Variants in TET2 observed in about 807,000 individuals in gnomAD.
TET2 encodes methylcytosine dioxygenase TET2.
Under a neutral mutation model 142.9 loss-of-function variants are expected in TET2, and 299 were observed. That is an observed-to-expected ratio of 2.09 (90% CI 1.90 to 2.30). The LOEUF is 2.30. Among genes scored for constraint, TET2 ranks in the 30% most tolerant of loss-of-function variants. The pLI is 0.00. For synonymous variants in TET2, 819 were observed against 849.0 expected (o/e 0.96, Z 0.61); for missense variants, 2,418 against 2,378.0 (o/e 1.02, Z -0.35).
intron 1 of TET2, among the ~76,000 whole-genome samples, chr4:105,151,538 T>C (rs2110346560): frequency 6.6e-6 from 1 of 151,724 alleles, no homozygotes; most frequent in Middle Eastern, 3.5e-3. Flanking sequence ...GATAATATCA[T>C]CCTACCTGCA....
chr4:105,233,102 G>A (rs62330908), intron 2 of TET2, among the ~76,000 whole-genome samples: 1 of 152,040 alleles, frequency 6.6e-6, no homozygotes, highest in Non-Finnish European at 1.5e-5. Flanking sequence ...AGCTACTGCA[G>A]GTGGGGTGCG....
intron 2 of TET2, chr4:105,202,543 A>G (rs1422788477): frequency 1.3e-5 from 2 of 152,210 alleles, no homozygotes; most frequent in Non-Finnish European, 2.9e-5. Context: ...TTATTGAACA[A>G]ATACAGGAAA....
chr4:105,183,510 G>T lies in TET2; in HGVS notation c.-192-6850G>T, dbSNP rs138552190. On this transcript the variant is annotated intron_variant, in intron 1 of 10. Transcript: ENST00000380013. The stretch of plus-strand genomic sequence containing the variant: ...ATGGAATCATAAAACCTTAAAGCTG[G>T]GTTGGAACAGAAATAATACAATTTA... Among the ~76,000 whole-genome samples the T allele has an allele frequency of 9.9e-4, 150 of 152,004 alleles. 1 individual carries two copies. The highest frequency in any genetic ancestry group is 3.5e-3 in the African/African-American group (144 of 41,466).
At chr4:105,239,079 T>TTTGTTTTTTG (rs1392948292) in intron 3 of TET2, 14 of 233,170 alleles carry the variant, frequency 6.0e-5, no homozygotes, top group African/African-American at 3.2e-4. Flanking sequence ...TTTTTGTTTT[T>TTTGTTTTTTG]TTTTTTTGTT....
At position 105,276,840 on chromosome 4, in the gene TET2, C is replaced by CCCCCA. The variant is rs1553918720; in HGVS notation, c.*325_*326insACCCC. On this transcript the variant is annotated 3_prime_UTR_variant, in exon 11 of 11. Coordinates refer to ENST00000380013, the MANE Select transcript of TET2 (RefSeq NM_001127208.3). ...GACGAGATGATATGTAAATGTGATC[C>CCCCCA]CCCCCCCCCGCTTACAACTCTACAC... 7.2e-6 allele frequency: 1 copy of CCCCCA among 138,540 alleles called. No individual in the cohort carries two copies. Among genetic ancestry groups the CCCCCA allele is most frequent in the Non-Finnish European group, 1.3e-5 (1 of 77,798 alleles). The allele number at this position is 138,540 out of a possible 1,614,324, so 8.6% of individuals were successfully genotyped here.
At chr4:105,165,243 G>A (rs1724091886) in intron 1 of TET2, among the ~76,000 whole-genome samples, 1 of 152,256 alleles carries the variant, frequency 6.6e-6, no homozygotes, top group Middle Eastern at 3.4e-3. Flanking sequence ...AGGCGTGGTG[G>A]TGGGCGCCTG....
rs2110226156 is a variant in TET2, at chr4:105,235,213, G to A, written c.1271G>A (p.Ser424Asn). The change falls in exon 3 of 11, where the codon AGC becomes AAC. Residue 424 changes from serine (S) to asparagine (N), a missense_variant. Transcript: ENST00000380013. ...QVPQLPSEGKSTLNGGVLEEH... is the reference protein window; with the variant it reads ...QVPQLPSEGKNTLNGGVLEEH... ...CCTCAGCTTCCTTCAGAAGGAAAAA[G>A]CACTCTGAATGGTGGAGTTTTAGAA... is the stretch of plus-strand genomic sequence containing the variant. 4 of 1,613,998 alleles carry A rather than the reference G, an allele frequency of 2.5e-6. No individual in the cohort carries two copies. The highest frequency in any genetic ancestry group is 3.4e-6 in the Non-Finnish European group (4 of 1,179,982).
In TET2 at chr4:105,223,523, G is replaced by T. The variant is rs976057032; in HGVS notation, c.-46-10374G>T. Among the ~76,000 whole-genome samples the T allele has an allele frequency of 8.5e-5, 13 of 152,158 alleles. No homozygotes were observed. In the East Asian group the frequency reaches 2.1e-3, roughly 25 times the overall value. On this transcript the variant is annotated intron_variant, in intron 2 of 10. Coordinates refer to ENST00000380013, the MANE Select transcript of TET2 (RefSeq NM_001127208.3). ...CAAACGAAATGGAGAGAACTTAATA[G>T]ATACAGAAGATAAGAATTTAAACTA...
chr4:105,203,566 A>G (rs889751845), intron 2 of TET2, among the ~76,000 whole-genome samples: 2 of 151,266 alleles, frequency 1.3e-5, no homozygotes, highest in Non-Finnish European at 2.9e-5. Flanking sequence ...ATACCAATAC[A>G]TTACATTACA....
Position 105,277,604 on chromosome 4 carries a change from C to A in TET2, c.*1085C>A. 4.4e-6 allele frequency: 1 copy of A among 228,890 alleles called. No individual in the cohort carries two copies. The highest frequency in any genetic ancestry group is 8.7e-6 in the Non-Finnish European group (1 of 115,394). The allele number at this position is 228,890 out of a possible 1,614,324, so 14.2% of individuals were successfully genotyped here. Reference sequence around the variant, plus strand: ...GCAATTGTGTCCATTTTTAACACAGCCAGTTAAATCCACCATGGGGCTTAC... The same window carrying A: ...GCAATTGTGTCCATTTTTAACACAGACAGTTAAATCCACCATGGGGCTTAC... On this transcript the variant is annotated 3_prime_UTR_variant, in exon 11 of 11. Transcript: ENST00000380013.
At chr4:105,201,732 CTTTTTTT>C (rs70964636) in intron 2 of TET2, among the ~76,000 whole-genome samples, 4 of 63,052 alleles carry the variant, frequency 6.3e-5, no homozygotes, top group South Asian at 8.3e-4. Flanking sequence ...CATCCAGGAC[CTTTTTTT>C]TTTTTTTTTT....
At chr4:105,191,607 G>A (rs1356014819) in intron 2 of TET2, among the ~76,000 whole-genome samples, 3 of 152,076 alleles carry the variant, frequency 2.0e-5, no homozygotes, top group Non-Finnish European at 4.4e-5. Context: ...TAATAAGCCT[G>A]TATAGCTCTA....
chr4:105,263,464 T>C (rs1257659012), intron 8 of TET2, among the ~76,000 whole-genome samples: 3 of 152,170 alleles, frequency 2.0e-5, no homozygotes, highest in Non-Finnish European at 4.4e-5. Flanking sequence ...TTAGAGAACT[T>C]GGTGACTAGA....
intron 2 of TET2, among the ~76,000 whole-genome samples, chr4:105,209,909 A>T (rs1354408039): frequency 1.3e-5 from 2 of 152,186 alleles, no homozygotes; most frequent in African/African-American, 4.8e-5. Context: ...CAGCAATGAG[A>T]TGGTGACAGC....
chr4:105,241,693 C>T (rs1386287916), intron 4 of TET2: 5 of 1,273,598 alleles, frequency 3.9e-6, no homozygotes, highest in Non-Finnish European at 4.0e-6. Context: ...CAGGAATCGG[C>T]CAGCCAGGCT....
chr4:105,159,744 G>A (rs1027413718), intron 1 of TET2, among the ~76,000 whole-genome samples: 1 of 152,176 alleles, frequency 6.6e-6, no homozygotes, highest in Non-Finnish European at 1.5e-5. Flanking sequence ...TCTTGGCCAG[G>A]ATGGCTCACG....
At chr4:105,196,552 C>A (rs1726106953) in intron 2 of TET2, among the ~76,000 whole-genome samples, 1 of 152,176 alleles carries the variant, frequency 6.6e-6, no homozygotes, top group Non-Finnish European at 1.5e-5. Context: ...TCAAATTCCT[C>A]CTTACTATAT....
intron 8 of TET2, among the ~76,000 whole-genome samples, chr4:105,265,458 A>G (rs1414197232): frequency 6.6e-6 from 1 of 152,226 alleles, no homozygotes; most frequent in Non-Finnish European, 1.5e-5. Flanking sequence ...AGATGGCATA[A>G]GTGTAATTTC....
chr4:105,167,453 GTGTA>G (rs1578549592), intron 1 of TET2, among the ~76,000 whole-genome samples: 2 of 151,770 alleles, frequency 1.3e-5, no homozygotes, highest in Non-Finnish European at 2.9e-5. Context: ...TAGTATATGT[GTGTA>G]TGTATGTATA....
Sources: allele counts gnomAD v4.1 joint callset (sites outside exome capture counted in the v4.1 genomes callset), GRCh38; gene constraint gnomAD v4.1.1; transcripts MANE v1.5; gene names NCBI Gene and HGNC (gene_info 2026-07-23, HGNC 2026-07-21).